GAB1: variants seen among roughly 807,000 people sequenced by gnomAD.
GAB1 encodes the protein GRB2-associated-binding protein 1.
Under a neutral mutation model 66.5 loss-of-function variants are expected in GAB1, and 19 were observed. The observed-to-expected ratio is 0.29, with a 90% CI of 0.20 to 0.42. The LOEUF is 0.42. Among genes scored for constraint, GAB1 ranks in the 10% least tolerant of loss-of-function variants. The pLI is 1.00. For synonymous variants in GAB1, 294 were observed against 301.4 expected, an observed-to-expected ratio of 0.98 and a Z score of 0.25; for missense variants, 732 against 858.5, an observed-to-expected ratio of 0.85 and a Z score of 1.84.
intron 4 of GAB1, among the ~76,000 whole-genome samples, chr4:143,439,169 A>G (rs1734095245): frequency 6.6e-6 from 1 of 152,156 alleles, no homozygotes; most frequent in Admixed American, 6.5e-5. Context: ...ATACTTTCCT[A>G]TACTGTCTCC....
intron 1 of GAB1, among the ~76,000 whole-genome samples, chr4:143,356,643 C>T (rs550857789): frequency 2.2e-4 from 34 of 152,226 alleles, no homozygotes; most frequent in African/African-American, 7.0e-4. Flanking sequence ...GTGTTTGGCA[C>T]GCCTGTTTTA....
At chr4:143,386,508 C>T (rs1730922888) in intron 1 of GAB1, among the ~76,000 whole-genome samples, 1 of 152,092 alleles carries the variant, frequency 6.6e-6, no homozygotes, top group African/African-American at 2.4e-5. Context: ...CCACTTCAGC[C>T]TCCCCAGTAG....
At chr4:143,400,476 G>A (rs1352553676) in intron 1 of GAB1, among the ~76,000 whole-genome samples, 1 of 152,188 alleles carries the variant, frequency 6.6e-6, no homozygotes, top group Admixed American at 6.5e-5. Context: ...AATGCCATAT[G>A]GAGCTGGAGT....
At chr4:143,451,494 A>G (rs971121635) in intron 6 of GAB1, among the ~76,000 whole-genome samples, 1 of 152,164 alleles carries the variant, frequency 6.6e-6, no homozygotes, top group Non-Finnish European at 1.5e-5. Context: ...TAAGATTTAT[A>G]TATTTAAATC....
chr4:143,370,792 T>C (rs1295772716), intron 1 of GAB1, among the ~76,000 whole-genome samples: 1 of 152,198 alleles, frequency 6.6e-6, no homozygotes, highest in Non-Finnish European at 1.5e-5. Context: ...AGTGAGAACA[T>C]GCAGTGTTTG....
At chr4:143,407,943 C>T (rs1732147107) in intron 1 of GAB1, among the ~76,000 whole-genome samples, 1 of 152,054 alleles carries the variant, frequency 6.6e-6, no homozygotes, top group Non-Finnish European at 1.5e-5. Context: ...CAATGTATTA[C>T]CATTTACTGC....
At chr4:143,425,140 A>G (rs998088488) in intron 2 of GAB1, 122 of 816,990 alleles carry the variant, frequency 1.5e-4, no homozygotes, top group Non-Finnish European at 2.5e-4. Flanking sequence ...ACCAGTCTTG[A>G]CTTCCAGATG....
At chr4:143,442,001 T>C (rs28925912) in intron 6 of GAB1, among the ~76,000 whole-genome samples, 5,465 of 151,336 alleles carry the variant, frequency 0.036, 329 homozygotes, top group African/African-American at 0.12. Flanking sequence ...AGAAAGGATG[T>C]GAGCATCAGA....
At chr4:143,365,733 T>C (rs1224886464) in intron 1 of GAB1, among the ~76,000 whole-genome samples, 1 of 152,250 alleles carries the variant, frequency 6.6e-6, no homozygotes, top group African/African-American at 2.4e-5. Flanking sequence ...AAGGGAGCTT[T>C]CGTGGCTGGC....
At chr4:143,418,023 G>C (rs567704539) in intron 2 of GAB1, among the ~76,000 whole-genome samples, 1 of 152,212 alleles carries the variant, frequency 6.6e-6, no homozygotes, top group African/African-American at 2.4e-5. Flanking sequence ...CCAGCGTGCC[G>C]CTTCCTCTCT....
rs1053421028 is a variant in GAB1 at position 143,437,746 on chromosome 4, G to T, written c.594-253G>T. Among the ~76,000 whole-genome samples the T allele has an allele frequency of 2.0e-5, 3 of 152,092 alleles. No individual in the cohort carries two copies. In the South Asian group the frequency reaches 6.2e-4, roughly 32 times the overall value. ...GTGTTTTTATGTGCAGATTTAATAG[G>T]TGGAGTTGGGGGTGTGGGCAGATAT... On this transcript the variant is annotated intron_variant, in intron 3 of 9. Transcript: ENST00000262994.
chr4:143,450,560 C>T (rs184564892), intron 6 of GAB1, among the ~76,000 whole-genome samples: 1 of 152,108 alleles, frequency 6.6e-6, no homozygotes. Flanking sequence ...CTTGAAATAC[C>T]CTTAGAATTT....
At chr4:143,445,757 A>G (rs1247453636) in intron 6 of GAB1, among the ~76,000 whole-genome samples, 1 of 152,086 alleles carries the variant, frequency 6.6e-6, no homozygotes, top group African/African-American at 2.4e-5. Flanking sequence ...TTAATTGTTT[A>G]CATGGTGAAT....
At chr4:143,387,831 A>G (rs1730990173) in intron 1 of GAB1, among the ~76,000 whole-genome samples, 1 of 152,056 alleles carries the variant, frequency 6.6e-6, no homozygotes, top group African/African-American at 2.4e-5. Context: ...CTTGATCCTG[A>G]TCTTGATCCT....
intron 3 of GAB1, 56 bp from the exon 4 acceptor site, chr4:143,437,943 A>G: frequency 6.6e-7 from 1 of 1,508,618 alleles, no homozygotes; most frequent in Middle Eastern, 1.8e-4. Context: ...ATGTTTATAA[A>G]AAATGTATTC....
chr4:143,460,915 GATGCAATT>G (rs1436450417), intron 8 of GAB1, among the ~76,000 whole-genome samples: 2 of 152,130 alleles, frequency 1.3e-5, no homozygotes, highest in Non-Finnish European at 2.9e-5. Flanking sequence ...AGCATTTTAT[GATGCAATT>G]CTCTAAGGCC....
At chr4:143,459,682 G>A (rs1014880573) in intron 7 of GAB1, among the ~76,000 whole-genome samples, 6 of 152,258 alleles carry the variant, frequency 3.9e-5, no homozygotes, top group African/African-American at 1.4e-4. Context: ...TGAGTGTACA[G>A]TGGAGTTTTC....
chr4:143,448,060 CT>C (rs1302702740), intron 6 of GAB1, among the ~76,000 whole-genome samples: 1 of 151,962 alleles, frequency 6.6e-6, no homozygotes, highest in African/African-American at 2.4e-5. Flanking sequence ...TAGTTTTTGT[CT>C]TTGGTTCTGT....
At chr4:143,423,030 T>A (rs1733102713) in intron 2 of GAB1, among the ~76,000 whole-genome samples, 1 of 152,200 alleles carries the variant, frequency 6.6e-6, no homozygotes. Context: ...TACAGTAGTA[T>A]AGAATAGAGG....
Sources: allele counts gnomAD v4.1 joint callset (sites outside exome capture counted in the v4.1 genomes callset), GRCh38; gene constraint gnomAD v4.1.1; transcripts MANE v1.5; gene names NCBI Gene and HGNC (gene_info 2026-07-23, HGNC 2026-07-21).